Variants in SOX6 observed in about 807,000 individuals in gnomAD.
The protein encoded by SOX6 is transcription factor SOX-6.
A neutral mutation model predicts 97.8 loss-of-function variants in SOX6; 11 were observed. That is an observed-to-expected ratio of 0.11 (90% CI 0.07 to 0.19). The LOEUF (loss-of-function observed/expected upper bound fraction) is 0.19, where lower values mean the gene tolerates loss of function less well. Among genes scored for constraint, SOX6 ranks in the 10% least tolerant of loss-of-function variants. SOX6 has a pLI of 1.00. For synonymous variants in SOX6, 360 were observed against 371.4 expected (o/e 0.97, Z 0.35); for missense variants, 810 against 1,039.5 (o/e 0.78, Z 3.04).
At chr11:16,379,727 A>T (rs1352983889) in intron 1 of SOX6, among the ~76,000 whole-genome samples, 1 of 152,052 alleles carries the variant, frequency 6.6e-6, no homozygotes, top group Non-Finnish European at 1.5e-5. Flanking sequence ...ATTACCCAAC[A>T]ATCCATTTTT....
At chr11:16,503,622 A>G (rs1860741345) in intron 4 of SOX6, among the ~76,000 whole-genome samples, 1 of 152,258 alleles carries the variant, frequency 6.6e-6, no homozygotes, top group Non-Finnish European at 1.5e-5. Flanking sequence ...AGGAATACCA[A>G]AAGTCAGCAG....
At chr11:16,175,417 T>C (rs1456911098) in intron 6 of SOX6, among the ~76,000 whole-genome samples, 2 of 151,966 alleles carry the variant, frequency 1.3e-5, no homozygotes, top group African/African-American at 4.8e-5. Flanking sequence ...TAACTTGTCT[T>C]ACAGCTACTA....
At chr11:16,673,070 TCAAAAACAAAAA>T (rs962465203) in intron 3 of SOX6, among the ~76,000 whole-genome samples, 2 of 151,924 alleles carry the variant, frequency 1.3e-5, no homozygotes, top group African/African-American at 4.8e-5. Flanking sequence ...AGACTCTGCC[TCAAAAACAAAAA>T]CAAAAACAAA....
intron 9 of SOX6, among the ~76,000 whole-genome samples, chr11:16,073,274 G>GA (rs1346562888): frequency 6.0e-5 from 9 of 151,018 alleles, no homozygotes; most frequent in African/African-American, 1.2e-4. Flanking sequence ...ACAGAAAACA[G>GA]AAAAAAGCAG....
intron 12 of SOX6, among the ~76,000 whole-genome samples, chr11:16,029,132 C>T (rs1855290329): frequency 6.6e-6 from 1 of 152,148 alleles, no homozygotes; most frequent in Non-Finnish European, 1.5e-5. Context: ...ACAATCCTTC[C>T]CGCTGAATTA....
At chr11:16,091,145 C>T (rs1363353223) in intron 9 of SOX6, among the ~76,000 whole-genome samples, 1 of 152,018 alleles carries the variant, frequency 6.6e-6, no homozygotes, top group African/African-American at 2.4e-5. Context: ...TAATGGTCCT[C>T]CCAAATTCCA....
intron 7 of SOX6, among the ~76,000 whole-genome samples, chr11:16,106,659 T>C (rs1008946767): frequency 2.0e-5 from 3 of 152,016 alleles, no homozygotes; most frequent in Admixed American, 2.0e-4. Context: ...AACATAGTGG[T>C]AAATCTTTAT....
chr11:16,441,077 C>G (rs1289704646), intron 1 of SOX6, among the ~76,000 whole-genome samples: 1 of 152,238 alleles, frequency 6.6e-6, no homozygotes, highest in East Asian at 1.9e-4. Context: ...CCCACTAATA[C>G]TATAGCCACC....
chr11:16,076,486 C>G (rs562642182), intron 9 of SOX6, among the ~76,000 whole-genome samples: 1 of 151,588 alleles, frequency 6.6e-6, no homozygotes, highest in African/African-American at 2.4e-5. Flanking sequence ...AGACTCACAG[C>G]CAATAAGCAT....
rs1184770238 is a variant in SOX6, at chr11:16,567,566, T to TTC, written n.609+44514_609+44515insGA. ...ATGGTATGTCATATTTTTTTCTTTT[T>TTC]TTTTTTTTTTTTTTTTTTTTGAGAC... On this transcript the variant is annotated intron_variant and non_coding_transcript_variant, in intron 4 of 5. Transcript: ENST00000524520. 2.6e-5 allele frequency among the ~76,000 whole-genome samples: 3 copies of TTC among 115,868 alleles called. No homozygotes were observed. The East Asian group carries it at 9.0e-4, about 35-fold the overall frequency. The allele number at this position is 115,868 out of a possible 152,430, so 76.0% of individuals were successfully genotyped here. A position where few individuals can be genotyped will look rare whatever the true frequency, so the allele number is the denominator to read the frequency against.
intron 3 of SOX6, among the ~76,000 whole-genome samples, chr11:16,270,885 A>G (rs1257652348): frequency 1.3e-5 from 2 of 151,378 alleles, no homozygotes; most frequent in African/African-American, 4.8e-5. Context: ...ATGGGAAGTT[A>G]TTGTTTGCTG....
At chr11:15,991,865 C>CCA (rs1854063202) in intron 13 of SOX6, among the ~76,000 whole-genome samples, 1 of 152,126 alleles carries the variant, frequency 6.6e-6, no homozygotes, top group South Asian at 2.1e-4. Context: ...AATCTCTCTC[C>CCA]CACACATGCT....
intron 3 of SOX6, among the ~76,000 whole-genome samples, chr11:16,252,912 A>T (rs977371811): frequency 1.3e-5 from 2 of 152,198 alleles, no homozygotes; most frequent in Non-Finnish European, 2.9e-5. Context: ...TAATCATAGG[A>T]CTATGGAATT....
At chr11:16,507,626 C>A (rs2133148716) in intron 4 of SOX6, among the ~76,000 whole-genome samples, 1 of 152,284 alleles carries the variant, frequency 6.6e-6, no homozygotes, top group South Asian at 2.1e-4. Context: ...TTACAGCCAA[C>A]TGATTTTTGA....
At chr11:16,698,121 C>G (rs987845284) in intron 3 of SOX6, among the ~76,000 whole-genome samples, 6 of 152,212 alleles carry the variant, frequency 3.9e-5, no homozygotes, top group Middle Eastern at 3.2e-3. Flanking sequence ...CTTCTCCTCT[C>G]TAGCTATCAA....
At chr11:16,282,779 C>CA (rs1203693237) in intron 3 of SOX6, among the ~76,000 whole-genome samples, 7 of 150,492 alleles carry the variant, frequency 4.7e-5, no homozygotes. Context: ...ATGTATACGC[C>CA]AAAAAACTAT....
At chr11:16,421,187 C>T (rs1162477716) in intron 1 of SOX6, among the ~76,000 whole-genome samples, 1 of 152,026 alleles carries the variant, frequency 6.6e-6, no homozygotes, top group Non-Finnish European at 1.5e-5. Flanking sequence ...CACCAAAATA[C>T]ACCAAAATAA....
intron 1 of SOX6, among the ~76,000 whole-genome samples, chr11:16,466,062 TATAAAAGGTGATG>T (rs1860025416): frequency 6.6e-6 from 1 of 152,230 alleles, no homozygotes; most frequent in South Asian, 2.1e-4. Context: ...GCCAGTTATC[TATAAAAGGTGATG>T]TTTTGGAAAT....
chr11:16,029,544 G>A (rs1855306132), intron 12 of SOX6, among the ~76,000 whole-genome samples: 1 of 151,878 alleles, frequency 6.6e-6, no homozygotes, highest in Non-Finnish European at 1.5e-5. Context: ...GCTGAGGCAG[G>A]AGAATCACCT....
Sources: allele counts gnomAD v4.1 joint callset (sites outside exome capture counted in the v4.1 genomes callset), GRCh38; gene constraint gnomAD v4.1.1; transcripts MANE v1.5; gene names NCBI Gene and HGNC (gene_info 2026-07-23, HGNC 2026-07-21).